The following CSMD3 variants were observed in gnomAD, a reference collection of about 807,000 sequenced individuals.
The protein encoded by CSMD3 is CUB and sushi domain-containing protein 3.
In CSMD3, 177 loss-of-function variants were observed where a neutral mutation model predicts 435.2. The observed-to-expected ratio is 0.41, with a 90% CI of 0.36 to 0.46. The LOEUF (loss-of-function observed/expected upper bound fraction) is 0.46, where lower values mean the gene tolerates loss of function less well. Ranked by LOEUF, CSMD3 falls within the 20% of genes least tolerant of loss-of-function variation. The pLI is 0.34. For synonymous variants in CSMD3, 1,656 were observed against 1,520.5 expected (o/e 1.09, Z -2.07); for missense variants, 4,265 against 4,504.6 (o/e 0.95, Z 1.52).
At chr8:112,880,553 G>A (rs1411796620) in intron 10 of CSMD3, among the ~76,000 whole-genome samples, 2 of 152,014 alleles carry the variant, frequency 1.3e-5, no homozygotes, top group East Asian at 3.9e-4. Context: ...TGGACTTCTA[G>A]GCAGGGGGAA....
At chr8:113,429,282 A>T (rs2094655800) in intron 1 of CSMD3, among the ~76,000 whole-genome samples, 1 of 151,840 alleles carries the variant, frequency 6.6e-6, no homozygotes, top group African/African-American at 2.4e-5. Context: ...TGAAAATGTA[A>T]CTAGAGAGAA....
intron 17 of CSMD3, among the ~76,000 whole-genome samples, chr8:112,665,336 C>T (rs568362762): frequency 5.9e-5 from 9 of 152,056 alleles, no homozygotes; most frequent in Admixed American, 1.3e-4. Flanking sequence ...AGTTGTCTAA[C>T]GTTTTTGTTT....
intron 11 of CSMD3, among the ~76,000 whole-genome samples, chr8:112,847,107 A>T (rs2129656007): frequency 6.6e-6 from 1 of 152,220 alleles, no homozygotes; most frequent in Middle Eastern, 3.4e-3. Flanking sequence ...CTTTAATTTC[A>T]GTTTATCCCT....
chr8:112,888,439 AC>A (rs2081675320), intron 10 of CSMD3, among the ~76,000 whole-genome samples: 1 of 151,742 alleles, frequency 6.6e-6, no homozygotes, highest in South Asian at 2.1e-4. Context: ...TGAATCAAAG[AC>A]TTATGTGTGA....
intron 3 of CSMD3, among the ~76,000 whole-genome samples, chr8:113,271,762 C>T (rs1161820826): frequency 5.3e-5 from 8 of 152,114 alleles, no homozygotes; most frequent in East Asian, 1.9e-4. Context: ...CCACCATCAT[C>T]CAGACCACAG....
chr8:113,405,178 A>C (rs1465950682), intron 1 of CSMD3, among the ~76,000 whole-genome samples: 1 of 151,552 alleles, frequency 6.6e-6, no homozygotes, highest in Non-Finnish European at 1.5e-5. Flanking sequence ...ATGTATCCTG[A>C]TTGCTAGAAA....
intron 10 of CSMD3, among the ~76,000 whole-genome samples, chr8:112,877,425 C>T (rs1392563020): frequency 1.3e-5 from 2 of 151,938 alleles, no homozygotes; most frequent in African/African-American, 2.4e-5. Context: ...TGCCACCACA[C>T]CTGGCTAATT....
chr8:113,343,030 A>C (rs1296929965), intron 1 of CSMD3, among the ~76,000 whole-genome samples: 1 of 151,952 alleles, frequency 6.6e-6, no homozygotes, highest in East Asian at 1.9e-4. Context: ...AAGAAGAGTC[A>C]AAATAGGAAG....
chr8:113,263,829 A>G (rs2093446281), intron 3 of CSMD3, among the ~76,000 whole-genome samples: 1 of 151,856 alleles, frequency 6.6e-6, no homozygotes, highest in South Asian at 2.1e-4. Context: ...TACCAGGTTA[A>G]TAATTATCAG....
chr8:112,692,570 A>G (rs764350083), intron 13 of CSMD3, among the ~76,000 whole-genome samples: 7 of 152,234 alleles, frequency 4.6e-5, no homozygotes, highest in Non-Finnish European at 8.8e-5. Context: ...TTCTTGAAGA[A>G]GCCTGTTAAA....
chr8:112,628,386 CTTGGTTGGTTGGTTGG>C (rs143078179), intron 22 of CSMD3, among the ~76,000 whole-genome samples: 5 of 150,332 alleles, frequency 3.3e-5, no homozygotes, highest in African/African-American at 9.8e-5. Flanking sequence ...ATCTTAATTA[CTTGGTTGGTTGGTTGG>C]TTGGTTGGTT....
intron 18 of CSMD3, among the ~76,000 whole-genome samples, chr8:112,655,196 G>A (rs937401328): frequency 6.6e-6 from 1 of 151,948 alleles, no homozygotes; most frequent in African/African-American, 2.4e-5. Context: ...ATGCCCAACA[G>A]CAAATATAAA....
chr8:113,016,501 C>A (rs2086464189), intron 6 of CSMD3, among the ~76,000 whole-genome samples: 1 of 151,678 alleles, frequency 6.6e-6, no homozygotes, highest in African/African-American at 2.4e-5. Flanking sequence ...AGTTAATTTT[C>A]ATGGTATTTA....
chr8:113,018,760 G>T, intron 6 of CSMD3: 1 of 320,668 alleles, frequency 3.1e-6, no homozygotes, highest in Non-Finnish European at 5.8e-6. Context: ...AGTGATTTGC[G>T]GTACAACTTC....
chr8:112,901,584 G>A (rs558986905), intron 10 of CSMD3, among the ~76,000 whole-genome samples: 2 of 151,222 alleles, frequency 1.3e-5, no homozygotes, highest in Non-Finnish European at 3.0e-5. Flanking sequence ...CTCCATAAAC[G>A]GAGAATAAAA....
At chr8:113,257,979 A>G (rs907734421) in intron 3 of CSMD3, among the ~76,000 whole-genome samples, 11 of 152,204 alleles carry the variant, frequency 7.2e-5, no homozygotes, top group African/African-American at 2.4e-4. Context: ...CTCTGAATGC[A>G]GCTGGAAAAA....
At chr8:112,750,713 G>T (rs2077549185) in intron 13 of CSMD3, among the ~76,000 whole-genome samples, 1 of 152,054 alleles carries the variant, frequency 6.6e-6, no homozygotes, top group Admixed American at 6.6e-5. Flanking sequence ...TGATCAGAAA[G>T]ATGACAGAGT....
chr8:113,434,615 G>A (rs2094694113), intron 1 of CSMD3, among the ~76,000 whole-genome samples: 2 of 151,876 alleles, frequency 1.3e-5, no homozygotes, highest in East Asian at 1.9e-4. Context: ...TATTGACATT[G>A]AAAAAAAATG....
intron 23 of CSMD3, among the ~76,000 whole-genome samples, chr8:112,586,049 A>T (rs2131348109): frequency 6.6e-6 from 1 of 151,802 alleles, no homozygotes; most frequent in South Asian, 2.1e-4. Flanking sequence ...ATACATCTAG[A>T]TACATTGTGA....
Sources: allele counts gnomAD v4.1 joint callset (sites outside exome capture counted in the v4.1 genomes callset), GRCh38; gene constraint gnomAD v4.1.1; transcripts MANE v1.5; gene names NCBI Gene and HGNC (gene_info 2026-07-23, HGNC 2026-07-21).